WWOX: variants seen among roughly 807,000 people sequenced by gnomAD.
The protein encoded by WWOX is WW domain-containing oxidoreductase.
WWOX carries 69 observed loss-of-function variants against 46.2 expected under a neutral mutation model. That is an observed-to-expected ratio of 1.49 (90% CI 1.23 to 1.82). The LOEUF (loss-of-function observed/expected upper bound fraction) is 1.82. Ranked by LOEUF, WWOX falls within the 40% of genes most tolerant of loss-of-function variation. WWOX has a pLI of 0.00. For missense variants in WWOX, 919 were observed against 542.6 expected (o/e 1.69, Z -6.89); for synonymous variants, 359 against 202.6 (o/e 1.77, Z -6.56).
chr16:78,198,792 A>G (rs994451882), intron 5 of WWOX, among the ~76,000 whole-genome samples: 3 of 152,272 alleles, frequency 2.0e-5, no homozygotes, highest in South Asian at 4.2e-4. Context: ...CATTTTATAT[A>G]TATATATATG....
chr16:78,620,319 G>T (rs1776099975), intron 8 of WWOX, among the ~76,000 whole-genome samples: 1 of 152,300 alleles, frequency 6.6e-6, no homozygotes, highest in Admixed American at 6.5e-5. Context: ...CTGAATGTCT[G>T]TATAGAATCC....
chr16:78,921,028 C>G (rs777177169), intron 8 of WWOX, among the ~76,000 whole-genome samples: 3 of 152,150 alleles, frequency 2.0e-5, no homozygotes, highest in Non-Finnish European at 4.4e-5. Context: ...TTAAGCTTTG[C>G]CAGTCCAATA....
intron 8 of WWOX, among the ~76,000 whole-genome samples, chr16:78,779,640 C>G (rs139239344): frequency 1.3e-5 from 2 of 152,180 alleles, no homozygotes; most frequent in African/African-American, 2.4e-5. Flanking sequence ...CTCAGGGAAT[C>G]GTAGCAGAGG....
At chr16:78,805,511 C>T (rs1040596586) in intron 8 of WWOX, among the ~76,000 whole-genome samples, 34 of 152,076 alleles carry the variant, frequency 2.2e-4, no homozygotes, top group Admixed American at 1.8e-3. Flanking sequence ...TCTCGATTTC[C>T]TGACATCGTG....
At chr16:78,376,804 C>G (rs781167000) in intron 5 of WWOX, among the ~76,000 whole-genome samples, 8 of 152,194 alleles carry the variant, frequency 5.3e-5, no homozygotes, top group Non-Finnish European at 8.8e-5. Flanking sequence ...TCTGCTCACA[C>G]TGGGCTATCA....
At chr16:78,615,002 G>C (rs2045987052) in intron 8 of WWOX, among the ~76,000 whole-genome samples, 1 of 152,082 alleles carries the variant, frequency 6.6e-6, no homozygotes, top group Non-Finnish European at 1.5e-5. Flanking sequence ...GTTATATACA[G>C]CTCCCTCCCT....
At chr16:78,138,687 C>T (rs1203771820) in intron 4 of WWOX, among the ~76,000 whole-genome samples, 1 of 152,204 alleles carries the variant, frequency 6.6e-6, no homozygotes, top group African/African-American at 2.4e-5. Flanking sequence ...TGAGAAGTCA[C>T]CAGGCATCTG....
At chr16:78,618,819 G>C (rs1270742916) in intron 8 of WWOX, among the ~76,000 whole-genome samples, 1 of 151,690 alleles carries the variant, frequency 6.6e-6, no homozygotes, top group Non-Finnish European at 1.5e-5. Flanking sequence ...GGCCTGAATT[G>C]GTCAGTGACC....
chr16:78,424,657 T>C (rs1364265826), intron 6 of WWOX, among the ~76,000 whole-genome samples: 1 of 152,198 alleles, frequency 6.6e-6, no homozygotes. Context: ...CGGAGGACAG[T>C]TGCCCACTCA....
At chr16:78,827,806 A>G (rs1597681831) in intron 8 of WWOX, among the ~76,000 whole-genome samples, 1 of 152,128 alleles carries the variant, frequency 6.6e-6, no homozygotes, top group Non-Finnish European at 1.5e-5. Flanking sequence ...GCGCCACTGC[A>G]CTCTAGCCTG....
At chr16:78,667,337 A>G (rs2047354783) in intron 8 of WWOX, among the ~76,000 whole-genome samples, 1 of 152,158 alleles carries the variant, frequency 6.6e-6, no homozygotes, top group Non-Finnish European at 1.5e-5. Flanking sequence ...GGTTATCTCA[A>G]TATATATCTA....
intron 8 of WWOX, among the ~76,000 whole-genome samples, chr16:78,768,279 TAAAAA>T (rs56280651): frequency 7.6e-5 from 7 of 91,962 alleles, no homozygotes; most frequent in South Asian, 7.9e-4. Context: ...ATAGATGAGT[TAAAAA>T]AAAAAAAAAA....
intron 8 of WWOX, among the ~76,000 whole-genome samples, chr16:78,451,561 G>A (rs1485596370): frequency 6.6e-6 from 1 of 152,164 alleles, no homozygotes; most frequent in Admixed American, 6.5e-5. Context: ...CTGCTGGCCA[G>A]CCACATTACC....
At chr16:78,829,221 T>C (rs2051746277) in intron 8 of WWOX, among the ~76,000 whole-genome samples, 1 of 152,142 alleles carries the variant, frequency 6.6e-6, no homozygotes, top group African/African-American at 2.4e-5. Flanking sequence ...CACACAATTA[T>C]GGAAGCCCAG....
chr16:78,186,037 A>G (rs1597325359), intron 5 of WWOX, among the ~76,000 whole-genome samples: 3 of 152,222 alleles, frequency 2.0e-5, no homozygotes, highest in Admixed American at 1.3e-4. Context: ...GCCACTGGCC[A>G]TGTGTGGCAG....
intron 5 of WWOX, among the ~76,000 whole-genome samples, chr16:78,283,466 T>G (rs2079715654): frequency 6.6e-6 from 1 of 152,220 alleles, no homozygotes; most frequent in African/African-American, 2.4e-5. Flanking sequence ...TCAAGGCTTT[T>G]CAGGATGCTG....
chr16:78,368,018 A>G (rs769499152), intron 5 of WWOX, among the ~76,000 whole-genome samples: 1 of 152,076 alleles, frequency 6.6e-6, no homozygotes, highest in African/African-American at 2.4e-5. Flanking sequence ...CAGCCTCCCA[A>G]AGTGCTGGGA....
rs112613038 is a variant in WWOX at position 79,019,186 on chromosome 16, G to GAAA, written c.1057-192414_1057-192412dup. Among the ~76,000 whole-genome samples the GAAA allele has an allele frequency of 8.5e-5, 4 of 47,042 alleles. 1 individual carries two copies. The highest frequency in any genetic ancestry group is 1.6e-4 in the Non-Finnish European group (4 of 25,232). The allele number at this position is 47,042 out of a possible 152,430, so 30.9% of individuals were successfully genotyped here. ...AAAAAAAAAAAAAAAAAAAAAAAAAGAAAAAAAAAAGTTGGAATGACATCA... is the reference window on the plus strand; with the variant it reads ...AAAAAAAAAAAAAAAAAAAAAAAAAGAAAAAAAAAAAAAGTTGGAATGACATCA... On this transcript the variant is annotated intron_variant, in intron 8 of 8. Coordinates refer to ENST00000566780, the MANE Select transcript of WWOX (RefSeq NM_016373.4).
chr16:78,621,592 C>CTTTT lies in WWOX; in HGVS notation c.1056+188867_1056+188870dup, dbSNP rs34182797. On this transcript the variant is annotated intron_variant, in intron 8 of 8. Coordinates refer to ENST00000566780, the MANE Select transcript of WWOX (RefSeq NM_016373.4). ...ACCTTTAACCTTGTGTTGTTCTAAT[C>CTTTT]TTTTTTTTTTTTTTTTTTTTTTTTT... Among the ~76,000 whole-genome samples, 64 of 31,542 alleles carry CTTTT rather than the reference C, an allele frequency of 2.0e-3. 20 individuals carry two copies. Among genetic ancestry groups the CTTTT allele is most frequent in the East Asian group, 4.0e-3 (4 of 1,008 alleles). 20.7% of individuals were successfully genotyped at this position (31,542 alleles called of 152,430 possible).
Sources: gnomAD v4.1 joint callset for allele counts (sites outside exome capture counted in the v4.1 genomes callset) on GRCh38, gnomAD v4.1.1 for gene constraint, MANE v1.5 for transcripts, NCBI Gene and HGNC (gene_info 2026-07-23, HGNC 2026-07-21) for gene names.